STEAP1B: variants seen among roughly 807,000 people sequenced by gnomAD.
STEAP1B encodes the protein STEAP family member 1B, also known as STEAP family protein MGC87042.
STEAP1B carries 13 observed loss-of-function variants against 27.9 expected under a neutral mutation model. The ratio of observed to expected loss-of-function variants is 0.47; its 90% CI spans 0.30 to 0.74. The LOEUF is 0.74. Among genes scored for constraint, STEAP1B ranks in the 30% least tolerant of loss-of-function variants. STEAP1B has a pLI of 0.06. For missense variants in STEAP1B, 250 were observed against 298.7 expected, an observed-to-expected ratio of 0.84 and a Z score of 1.20; for synonymous variants, 86 against 107.1, an observed-to-expected ratio of 0.80 and a Z score of 1.22.
chr7:22,448,586 TATC>T (rs1455238872), intron 4 of STEAP1B, among the ~76,000 whole-genome samples: 7 of 152,224 alleles, frequency 4.6e-5, no homozygotes, highest in South Asian at 2.1e-4. Context: ...TGGATTGGCT[TATC>T]ATTAAAATTA....
intron 4 of STEAP1B, among the ~76,000 whole-genome samples, chr7:22,472,003 C>CA (rs34962500): frequency 5.3e-5 from 8 of 151,456 alleles, no homozygotes; most frequent in East Asian, 1.9e-4. Context: ...GGTTAACCAC[C>CA]AAAAAAAGGA....
Position 22,456,972 on chromosome 7 carries a change from A to ATATATATATATATATATATATATATTT in STEAP1B, c.762+35592_762+35593insAAATATATATATATATATATATATATA. The stretch of plus-strand genomic sequence containing the variant: ...GGCAGCTATATATATATATATATAT[A>ATATATATATATATATATATATATATTT]TTTTTTTTTTTTTTAAGTATCCTGG... On this transcript the variant is annotated intron_variant, in intron 4 of 4. Transcript: ENST00000678116. Among the ~76,000 whole-genome samples the ATATATATATATATATATATATATATTT allele has an allele frequency of 1.1e-3, 65 of 56,986 alleles. 1 individual carries two copies. Among genetic ancestry groups the ATATATATATATATATATATATATATTT allele is most frequent in the South Asian group, 4.1e-3 (4 of 984 alleles). 37.4% of individuals were successfully genotyped at this position (56,986 alleles called of 152,430 possible).
At chr7:22,493,263 G>C in intron 3 of STEAP1B, 61 bp downstream of exon 3, 1 of 1,477,344 alleles carries the variant, frequency 6.8e-7, no homozygotes, top group African/African-American at 1.4e-5. Context: ...AATGAGAAAT[G>C]ATTAATTTGT....
At chr7:22,472,803 G>A (rs1785907507) in intron 4 of STEAP1B, among the ~76,000 whole-genome samples, 1 of 152,138 alleles carries the variant, frequency 6.6e-6, no homozygotes, top group South Asian at 2.1e-4. Context: ...CATGGCAGTT[G>A]GGAGGCTATG....
intron 4 of STEAP1B, among the ~76,000 whole-genome samples, chr7:22,476,398 G>T (rs12666058): frequency 0.29 from 44,668 of 152,106 alleles, 6,701 homozygotes; most frequent in East Asian, 0.43. Flanking sequence ...GAACCATGTA[G>T]CCCAGGGGTG....
intron 4 of STEAP1B, among the ~76,000 whole-genome samples, chr7:22,437,273 G>T (rs933474109): frequency 2.6e-5 from 4 of 151,998 alleles, no homozygotes; most frequent in African/African-American, 9.7e-5. Context: ...CCTCTCCCTC[G>T]TTCCTAATAA....
chr7:22,486,475 G>A (rs1432773024), intron 4 of STEAP1B, among the ~76,000 whole-genome samples: 4 of 151,994 alleles, frequency 2.6e-5, no homozygotes, highest in African/African-American at 2.4e-5. Flanking sequence ...TGGCTTTGTC[G>A]CCTTAAACTT....
rs147181455 is a variant in STEAP1B, at chr7:22,464,747, G to A, written c.762+27818C>T. Among the ~76,000 whole-genome samples the A allele has an allele frequency of 1.4e-3, 214 of 151,240 alleles. 2 individuals carry two copies. Among genetic ancestry groups the A allele is most frequent in the African/African-American group, 4.1e-3 (168 of 41,198 alleles). On this transcript the variant is annotated intron_variant, in intron 4 of 4. Coordinates refer to ENST00000678116, the MANE Select transcript of STEAP1B (RefSeq NM_001382447.1). ...TTTGCAAGCCTAGGAGAGAGGCCTC[G>A]GGAGAAATGAAACTTGCTGACACCT... is the stretch of plus-strand genomic sequence containing the variant.
At chr7:22,487,804 C>CA (rs200447382) in intron 4 of STEAP1B, among the ~76,000 whole-genome samples, 5,440 of 80,788 alleles carry the variant, frequency 0.067, 150 homozygotes, top group Admixed American at 0.11. Context: ...AAACTCCACC[C>CA]AAAAAAAAAA....
intron 4 of STEAP1B, among the ~76,000 whole-genome samples, chr7:22,465,050 T>G (rs2128409101): frequency 6.8e-6 from 1 of 148,002 alleles, no homozygotes; most frequent in South Asian, 2.2e-4. Context: ...CTCTTGCACC[T>G]TGGGGCCATT....
rs78715330 is a variant in STEAP1B, at chr7:22,437,122, A to T, written c.763-17286T>A. On this transcript the variant is annotated intron_variant, in intron 4 of 4. Transcript: ENST00000678116. ...GTATAGCTGACAAGGTCTAATACCC[A>T]GTATCTATAAGGAACTTAAATTCAC... Among the ~76,000 whole-genome samples, 1,129 of 152,354 alleles carry T rather than the reference A, an allele frequency of 7.4e-3. 14 individuals carry two copies. The highest frequency in any genetic ancestry group is 0.026 in the African/African-American group (1,063 of 41,574).
At chr7:22,482,638 G>A (rs116346918) in intron 4 of STEAP1B, among the ~76,000 whole-genome samples, 5 of 152,182 alleles carry the variant, frequency 3.3e-5, no homozygotes, top group Admixed American at 6.5e-5. Context: ...AGGCACATAG[G>A]GGGAGGCAGA....
At chr7:22,426,477 C>A (rs557484679) in intron 4 of STEAP1B, among the ~76,000 whole-genome samples, 173 of 152,268 alleles carry the variant, frequency 1.1e-3, no homozygotes, top group African/African-American at 3.9e-3. Flanking sequence ...GGTAGAAAAT[C>A]AAAAGGCAGA....
chr7:22,451,249 T>C (rs778890935), intron 4 of STEAP1B, among the ~76,000 whole-genome samples: 14 of 152,276 alleles, frequency 9.2e-5, no homozygotes, highest in Non-Finnish European at 1.9e-4. Context: ...TGGCATTTTG[T>C]ATGTTGATTT....
intron 4 of STEAP1B, among the ~76,000 whole-genome samples, chr7:22,422,982 T>C (rs1455238593): frequency 6.6e-6 from 1 of 152,200 alleles, no homozygotes; most frequent in African/African-American, 2.4e-5. Flanking sequence ...AAAAACTTCA[T>C]TTAAATATGA....
At chr7:22,432,420 TAAAA>T (rs1785199951) in intron 4 of STEAP1B, among the ~76,000 whole-genome samples, 2 of 138,116 alleles carry the variant, frequency 1.4e-5, no homozygotes, top group Non-Finnish European at 1.6e-5. Flanking sequence ...AATAAATAAA[TAAAA>T]GGTTAGCCAG....
rs1401931175 is a variant in STEAP1B, at chr7:22,462,722, T to C, written c.762+29843A>G. Among the ~76,000 whole-genome samples, 4 of 151,622 alleles carry C rather than the reference T, an allele frequency of 2.6e-5. No individual in the cohort carries two copies. In the East Asian group the frequency reaches 7.7e-4, roughly 29 times the overall value. ...TGCATGTGTCTTTATAGCAGCATGATTTATAGTCCTTTGGGTATATAACCA... is the reference window on the plus strand; with the variant it reads ...TGCATGTGTCTTTATAGCAGCATGACTTATAGTCCTTTGGGTATATAACCA... On this transcript the variant is annotated intron_variant, in intron 4 of 4. Transcript: ENST00000678116.
At chr7:22,448,588 T>A (rs764753149) in intron 4 of STEAP1B, among the ~76,000 whole-genome samples, 3 of 152,218 alleles carry the variant, frequency 2.0e-5, no homozygotes, top group Non-Finnish European at 4.4e-5. Context: ...GATTGGCTTA[T>A]CATTAAAATT....
chr7:22,419,946 CT>C, intron 4 of STEAP1B, 110 bp from the exon 5 acceptor site: 1 of 1,310,538 alleles, frequency 7.6e-7, no homozygotes, highest in Non-Finnish European at 1.0e-6. Context: ...AGTATACACG[CT>C]TTTCTAAAGT....
Sources: gnomAD v4.1 joint callset for allele counts (sites outside exome capture counted in the v4.1 genomes callset) on GRCh38, gnomAD v4.1.1 for gene constraint, MANE v1.5 for transcripts, NCBI Gene and HGNC (gene_info 2026-07-23, HGNC 2026-07-21) for gene names.